Variants in TTC39C observed in about 807,000 individuals in gnomAD.
The protein encoded by TTC39C is tetratricopeptide repeat protein 39C.
A neutral mutation model predicts 76.3 loss-of-function variants in TTC39C; 33 were observed. The observed-to-expected ratio is 0.43, with a 90% CI of 0.33 to 0.58. The LOEUF (loss-of-function observed/expected upper bound fraction) is 0.58. TTC39C is among the 20% of genes least tolerant of loss of function. The pLI is 0.04. For missense variants in TTC39C, 595 were observed against 701.4 expected, an observed-to-expected ratio of 0.85 and a Z score of 1.71; for synonymous variants, 254 against 260.6, an observed-to-expected ratio of 0.97 and a Z score of 0.24.
At chr18:24,002,765 T>C (rs1038302269) in intron 1 of TTC39C, among the ~76,000 whole-genome samples, 2 of 152,046 alleles carry the variant, frequency 1.3e-5, no homozygotes, top group African/African-American at 4.8e-5. Flanking sequence ...AACGTATGTA[T>C]CCAGCCCTGC....
chr18:24,010,892 A>G (rs1336313908), upstream of TTC39C, among the ~76,000 whole-genome samples: 1 of 152,042 alleles, frequency 6.6e-6, no homozygotes, highest in Non-Finnish European at 1.5e-5. Context: ...TACAAAACAT[A>G]CGAAAATTAG....
chr18:24,032,719 T>G (rs2083685651), intron 1 of TTC39C, among the ~76,000 whole-genome samples: 1 of 152,256 alleles, frequency 6.6e-6, no homozygotes, highest in South Asian at 2.1e-4. Context: ...TTTCAGATTT[T>G]GGAGCATTTT....
rs183239321 is a variant in TTC39C, at chr18:24,083,120, G to A, written c.984+39G>A. The stretch of plus-strand genomic sequence containing the variant: ...CTCATCTTTTTAAAATAAAGCCTCC[G>A]ATGATCAAATCTCTGATTCTCACTT... On this transcript the variant is annotated intron_variant, in intron 6 of 13. Coordinates refer to ENST00000317571, the MANE Select transcript of TTC39C (RefSeq NM_001135993.2). The A allele has an allele frequency of 8.1e-3, 12,590 of 1,549,480 alleles. 90 individuals are homozygous for A. Among genetic ancestry groups the A allele is most frequent in the Non-Finnish European group, 9.0e-3 (10,277 of 1,144,250 alleles).
At chr18:24,114,324 G>T in intron 6 of TTC39C, 1 of 374,126 alleles carries the variant, frequency 2.7e-6, no homozygotes, top group Non-Finnish European at 4.9e-6. Context: ...AAGGCGGCGC[G>T]AGCTGAGCCC....
intron 1 of TTC39C, among the ~76,000 whole-genome samples, chr18:24,029,970 A>G (rs568362405): frequency 5.9e-5 from 9 of 152,216 alleles, no homozygotes; most frequent in Non-Finnish European, 1.3e-4. Context: ...ACATGCATGT[A>G]CATGTGTCTT....
chr18:24,034,429 G>A (rs781463361), intron 1 of TTC39C, among the ~76,000 whole-genome samples: 12 of 152,144 alleles, frequency 7.9e-5, no homozygotes, highest in Non-Finnish European at 1.8e-4. Context: ...TTTCCCTAAT[G>A]TTTATAAATG....
chr18:24,041,182 G>A (rs898350505), intron 1 of TTC39C, among the ~76,000 whole-genome samples: 5 of 152,134 alleles, frequency 3.3e-5, no homozygotes, highest in African/African-American at 1.2e-4. Flanking sequence ...TAAAATTATC[G>A]TTGCTTCAAA....
chr18:24,007,754 A>G (rs941965589), intron 1 of TTC39C, among the ~76,000 whole-genome samples: 1 of 152,206 alleles, frequency 6.6e-6, no homozygotes, highest in African/African-American at 2.4e-5. Flanking sequence ...AATAGTGAAC[A>G]TGTATTGTTT....
intron 1 of TTC39C, among the ~76,000 whole-genome samples, chr18:24,047,382 C>T (rs1339885533): frequency 4.6e-5 from 7 of 152,082 alleles, no homozygotes; most frequent in Non-Finnish European, 7.4e-5. Context: ...CATGAGCCAC[C>T]GTGCATGGCC....
At chr18:24,072,544 G>A (rs779971642) in intron 4 of TTC39C, among the ~76,000 whole-genome samples, 4 of 152,310 alleles carry the variant, frequency 2.6e-5, no homozygotes, top group Non-Finnish European at 5.9e-5. Context: ...TGATCCATCC[G>A]CCTTGGTCTC....
chr18:24,039,291 C>A (rs2145688137), intron 1 of TTC39C, among the ~76,000 whole-genome samples: 1 of 152,284 alleles, frequency 6.6e-6, no homozygotes, highest in Admixed American at 6.5e-5. Context: ...GGGAAGTCTC[C>A]CAGGGTACTG....
At chr18:24,003,460 A>G (rs1297006707) in intron 1 of TTC39C, among the ~76,000 whole-genome samples, 2 of 152,252 alleles carry the variant, frequency 1.3e-5, no homozygotes, top group Admixed American at 6.5e-5. Flanking sequence ...AGCAGCTAGC[A>G]TACAGTGGCT....
intron 1 of TTC39C, among the ~76,000 whole-genome samples, chr18:23,998,894 T>C (rs2083290827): frequency 6.6e-6 from 1 of 152,150 alleles, no homozygotes; most frequent in Non-Finnish European, 1.5e-5. Context: ...GAACCTGTCA[T>C]TATGGGGAGA....
chr18:24,072,533 G>A (rs543088207), intron 4 of TTC39C, among the ~76,000 whole-genome samples: 1 of 152,316 alleles, frequency 6.6e-6, no homozygotes, highest in East Asian at 1.9e-4. Flanking sequence ...CTGCCCTTAA[G>A]TGATCCATCC....
intron 1 of TTC39C, among the ~76,000 whole-genome samples, chr18:24,046,758 T>C (rs1294318624): frequency 3.3e-5 from 5 of 151,852 alleles, no homozygotes; most frequent in Admixed American, 3.3e-4. Flanking sequence ...TCTCTTGAAA[T>C]GTAGAGAACT....
Position 24,123,873 on chromosome 18 carries a change from T to C in TTC39C, c.1226T>C (p.Ile409Thr). ...ACTGGTGATGTGGATGGGGCACAGA[T>C]TGTCTTTAAAGAAGTTCAGAAACTC... ...GATGDVDGAQ[I>T]VFKEVQKLFK... Residue 409 changes from isoleucine (I) to threonine (T), a missense_variant, in exon 9 of 14, where the codon ATT becomes ACT. Ile to Thr is a moderately conservative substitution (Grantham distance 89, BLOSUM62 -1). Transcript: ENST00000317571. 6.2e-7 allele frequency: 1 copy of C among 1,613,098 alleles called. No homozygotes were observed. Among genetic ancestry groups the C allele is most frequent in the Non-Finnish European group, 8.5e-7 (1 of 1,179,824 alleles).
intron 6 of TTC39C, among the ~76,000 whole-genome samples, chr18:24,092,385 T>C (rs2084534086): frequency 6.6e-6 from 1 of 152,050 alleles, no homozygotes; most frequent in African/African-American, 2.4e-5. Context: ...TCAAACTATA[T>C]GAAACAGCAA....
rs555067417 is a variant in TTC39C at position 24,054,294 on chromosome 18, G to C, written c.168-9846G>C. On this transcript the variant is annotated intron_variant, in intron 1 of 13. Coordinates refer to ENST00000317571, the MANE Select transcript of TTC39C (RefSeq NM_001135993.2). ...GGATTTGGCTGTCTTGTATTGAATC[G>C]CCCCATTATTCTGTTTGGTTGGCTG... 6.6e-5 allele frequency among the ~76,000 whole-genome samples: 10 copies of C among 152,176 alleles called. 1 individual carries two copies. The South Asian group carries it at 1.2e-3, about 19-fold the overall frequency.
rs201687368 is a variant in TTC39C at position 24,044,202 on chromosome 18, CTCTT to C, written c.168-19934_168-19931del. Among the ~76,000 whole-genome samples, 1,200 of 152,194 alleles carry C rather than the reference CTCTT, an allele frequency of 7.9e-3. 8 individuals are homozygous for C. The highest frequency in any genetic ancestry group is 0.027 in the Middle Eastern group (8 of 294). On this transcript the variant is annotated intron_variant, in intron 1 of 13. Coordinates refer to ENST00000317571, the MANE Select transcript of TTC39C (RefSeq NM_001135993.2). ...AGAGGACATCATGGAAAAAGTCAGA[CTCTT>C]TCTAGGATTTGAATCGGGAGTCTGA...
Sources: allele counts gnomAD v4.1 joint callset (sites outside exome capture counted in the v4.1 genomes callset), GRCh38; gene constraint gnomAD v4.1.1; transcripts MANE v1.5; gene names NCBI Gene and HGNC (gene_info 2026-07-23, HGNC 2026-07-21).